Variants in LRBA observed in about 807,000 individuals in gnomAD.
The protein encoded by LRBA is lipopolysaccharide-responsive and beige-like anchor protein.
A neutral mutation model predicts 330.0 loss-of-function variants in LRBA; 176 were observed. The observed-to-expected ratio is 0.53, with a 90% CI of 0.47 to 0.60. The LOEUF is 0.60. LRBA is among the 20% of genes least tolerant of loss of function. The pLI is 0.00. For synonymous variants in LRBA, 1,230 were observed against 1,193.0 expected, an observed-to-expected ratio of 1.03 and a Z score of -0.64; for missense variants, 3,259 against 3,444.8, an observed-to-expected ratio of 0.95 and a Z score of 1.35.
At chr4:150,771,196 G>T (rs1472408581) in intron 34 of LRBA, among the ~76,000 whole-genome samples, 1 of 152,168 alleles carries the variant, frequency 6.6e-6, no homozygotes, top group African/African-American at 2.4e-5. Context: ...GTCACTAGAG[G>T]TAATAACAAG....
Position 150,413,529 on chromosome 4 carries a change from A to T in LRBA, c.7194+1909T>A, listed in dbSNP as rs1002536782. ...TCATGCTAACTGAAAGAAGACAGGCATAAAAAGACTACATATTGTATGATT... is the reference window on the plus strand; with the variant it reads ...TCATGCTAACTGAAAGAAGACAGGCTTAAAAAGACTACATATTGTATGATT... On this transcript the variant is annotated intron_variant, in intron 47 of 56. Transcript: ENST00000651943. Among the ~76,000 whole-genome samples the T allele has an allele frequency of 2.0e-5, 3 of 152,300 alleles. No homozygotes were observed. The South Asian group carries it at 6.2e-4, about 32-fold the overall frequency.
intron 2 of LRBA, among the ~76,000 whole-genome samples, chr4:150,984,304 G>GAA (rs59746424): frequency 0.064 from 9,745 of 152,286 alleles, 469 homozygotes; most frequent in East Asian, 0.19. Flanking sequence ...CCTGAGGTCA[G>GAA]GAGTTCGAGA....
chr4:150,603,574 G>C (rs1774330940), intron 37 of LRBA, among the ~76,000 whole-genome samples: 2 of 152,068 alleles, frequency 1.3e-5, no homozygotes, highest in African/African-American at 2.4e-5. Flanking sequence ...GCTCACTGCA[G>C]CCTCTAACTT....
chr4:150,784,922 CCTTTT>C (rs1738821355), intron 34 of LRBA, among the ~76,000 whole-genome samples: 1 of 152,176 alleles, frequency 6.6e-6, no homozygotes, highest in African/African-American at 2.4e-5. Context: ...AATGATATTT[CCTTTT>C]ATTTCTCCCC....
rs867373276 is a variant in LRBA, at chr4:150,816,552, G to A, written c.5305+572C>T. Among the ~76,000 whole-genome samples, 3 of 151,808 alleles carry A rather than the reference G, an allele frequency of 2.0e-5. No homozygotes were observed. The South Asian group carries it at 6.2e-4, about 32-fold the overall frequency. ...TTTTAAACATGGAAAGAATGTAGAA[G>A]GAGAGATGGACAAAAATAAAAGTGC... is the stretch of plus-strand genomic sequence containing the variant. On this transcript the variant is annotated intron_variant, in intron 31 of 56. Coordinates refer to ENST00000651943, the MANE Select transcript of LRBA (RefSeq NM_001364905.1).
rs202014892 is a variant in LRBA at position 150,315,567 on chromosome 4, G to A, written c.7687C>T (p.Leu2563Phe). 3 of 1,612,258 alleles carry A rather than the reference G, an allele frequency of 1.9e-6. No homozygotes were observed. The highest frequency in any genetic ancestry group is 1.3e-5 in the African/African-American group (1 of 74,894). ...PYQLPVEIDP[L>F]IASNTGMHRR... ...AGAGAAGGAAGTGACAGACCTATGA[G>A]AGGATCGATTTCCACTGGCAGCTGG... Residue 2563 changes from leucine (L) to phenylalanine (F), a missense_variant, in exon 51 of 57, where the codon CTC becomes TTC. Transcript: ENST00000651943.
chr4:150,276,302 A>G (rs1436372859), intron 56 of LRBA, among the ~76,000 whole-genome samples: 3 of 152,254 alleles, frequency 2.0e-5, no homozygotes, highest in Admixed American at 2.0e-4. Context: ...TGAAAGACTT[A>G]AACGTAAGGC....
chr4:150,767,089 T>G (rs1325703644), intron 34 of LRBA, among the ~76,000 whole-genome samples: 2 of 152,086 alleles, frequency 1.3e-5, no homozygotes, highest in Admixed American at 6.6e-5. Context: ...TAAAAGTTAG[T>G]TAGGGCAACA....
chr4:150,790,170 T>G (rs1421614083), intron 34 of LRBA, among the ~76,000 whole-genome samples: 1 of 152,204 alleles, frequency 6.6e-6, no homozygotes, highest in Non-Finnish European at 1.5e-5. Context: ...CCCTTGAGAA[T>G]AATGTTCAAA....
chr4:150,541,722 A>T lies in LRBA; in HGVS notation c.6330+46326T>A, dbSNP rs559073991. 2.8e-3 allele frequency among the ~76,000 whole-genome samples: 425 copies of T among 152,314 alleles called. 3 individuals carry two copies. Among genetic ancestry groups the T allele is most frequent in the Middle Eastern group, 0.02 (6 of 294 alleles). On this transcript the variant is annotated intron_variant, in intron 40 of 56. Transcript: ENST00000651943. ...TTTAGAGACAGGGTCTTGCTCTGTC[A>T]TTCAGGCTGGAGTGCAGTGGATGCT...
intron 37 of LRBA, among the ~76,000 whole-genome samples, chr4:150,621,095 A>AT (rs1776249985): frequency 6.6e-6 from 1 of 151,922 alleles, no homozygotes; most frequent in East Asian, 1.9e-4. Context: ...TTCTTCGGAA[A>AT]AAAAAAAATG....
intron 11 of LRBA, among the ~76,000 whole-genome samples, chr4:150,906,667 T>C (rs1018231559): frequency 1.5e-4 from 23 of 152,152 alleles, no homozygotes; most frequent in African/African-American, 5.3e-4. Flanking sequence ...CAAATGTTCA[T>C]GATATAGAGA....
intron 53 of LRBA, among the ~76,000 whole-genome samples, chr4:150,291,277 G>A (rs1728256380): frequency 7.5e-6 from 1 of 132,848 alleles, no homozygotes; most frequent in Non-Finnish European, 1.6e-5. Flanking sequence ...CCATCAGAGT[G>A]AACAGGCAAC....
At chr4:150,349,726 T>A (rs191336000) in intron 48 of LRBA, among the ~76,000 whole-genome samples, 4 of 152,290 alleles carry the variant, frequency 2.6e-5, no homozygotes, top group African/African-American at 9.6e-5. Context: ...CCCAAAGTTA[T>A]ATAAAATTAT....
rs41280457 is a variant in LRBA, at chr4:150,871,249, T to G, written c.2367+96A>C. 51,568 of 699,578 alleles carry G rather than the reference T, an allele frequency of 0.074. 2,373 individuals are homozygous for G. The highest frequency in any genetic ancestry group is 0.095 in the Non-Finnish European group (38,423 of 402,890). 43.3% of individuals were successfully genotyped at this position (699,578 alleles called of 1,614,324 possible). A position where few individuals can be genotyped will look rare whatever the true frequency, so the allele number is the denominator to read the frequency against. On this transcript the variant is annotated intron_variant, in intron 19 of 56. Coordinates refer to ENST00000651943, the MANE Select transcript of LRBA (RefSeq NM_001364905.1). ...CAGAGTGAGACTCTGTCTCAAAAAA[T>G]AAAATAAAAATAAATGATCTTATTT...
rs148728124 is a variant in LRBA, at chr4:150,730,538, C to T, written c.5754+4720G>A. 5.8e-3 allele frequency among the ~76,000 whole-genome samples: 879 copies of T among 151,900 alleles called. 9 individuals are homozygous for T. Among genetic ancestry groups the T allele is most frequent in the African/African-American group, 0.02 (830 of 41,438 alleles). Reference sequence around the variant, plus strand: ...TCTCTACTAAAAATACAAAAATTAGCTAGGCATGATGGCACAGGCCTTTAA... The same window carrying T: ...TCTCTACTAAAAATACAAAAATTAGTTAGGCATGATGGCACAGGCCTTTAA... On this transcript the variant is annotated intron_variant, in intron 36 of 56. Transcript: ENST00000651943.
chr4:150,566,040 C>A (rs1223926430), intron 40 of LRBA, among the ~76,000 whole-genome samples: 8 of 143,474 alleles, frequency 5.6e-5, no homozygotes, highest in Non-Finnish European at 7.6e-5. Flanking sequence ...CCAGCCTGGG[C>A]AACACGGCAA....
chr4:150,377,525 G>C (rs1741529043), intron 47 of LRBA, among the ~76,000 whole-genome samples: 2 of 152,186 alleles, frequency 1.3e-5, no homozygotes, highest in South Asian at 4.2e-4. Flanking sequence ...TAGAAATGGA[G>C]GACTGTTTTA....
intron 37 of LRBA, among the ~76,000 whole-genome samples, chr4:150,636,496 A>G (rs989647517): frequency 6.6e-6 from 1 of 152,108 alleles, no homozygotes; most frequent in East Asian, 1.9e-4. Context: ...AGCTCATCTT[A>G]TAGTTTCCCT....
Sources: allele counts gnomAD v4.1 joint callset (sites outside exome capture counted in the v4.1 genomes callset), GRCh38; gene constraint gnomAD v4.1.1; transcripts MANE v1.5; gene names NCBI Gene and HGNC (gene_info 2026-07-23, HGNC 2026-07-21).